The following CTNNA2 variants were observed in gnomAD, a reference collection of about 807,000 sequenced individuals.
The protein encoded by CTNNA2 is catenin alpha-2.
In CTNNA2, 42 loss-of-function variants were observed where a neutral mutation model predicts 101.0. The ratio of observed to expected loss-of-function variants is 0.42; its 90% CI spans 0.32 to 0.54. CTNNA2 has a LOEUF of 0.54. Among genes scored for constraint, CTNNA2 ranks in the 20% least tolerant of loss-of-function variants. The pLI is 0.14. For synonymous variants in CTNNA2, 450 were observed against 456.4 expected, an observed-to-expected ratio of 0.99 and a Z score of 0.18; for missense variants, 871 against 1,223.1, an observed-to-expected ratio of 0.71 and a Z score of 4.29.
At chr2:79,628,436 G>C (rs1395224558) in intron 1 of CTNNA2, among the ~76,000 whole-genome samples, 2 of 148,096 alleles carry the variant, frequency 1.4e-5, no homozygotes, top group Non-Finnish European at 3.0e-5. Flanking sequence ...CTGGGCAACA[G>C]AATGAGACTG....
At chr2:79,625,323 T>A (rs1679238297) in intron 1 of CTNNA2, among the ~76,000 whole-genome samples, 1 of 152,114 alleles carries the variant, frequency 6.6e-6, no homozygotes, top group Non-Finnish European at 1.5e-5. Context: ...ACTGGAAGAT[T>A]ATGGCTCTTA....
At chr2:80,289,559 C>T (rs1675057386) in intron 7 of CTNNA2, among the ~76,000 whole-genome samples, 1 of 152,208 alleles carries the variant, frequency 6.6e-6, no homozygotes, top group Admixed American at 6.5e-5. Context: ...TAACATGTCA[C>T]TCTACTGTGG....
intron 7 of CTNNA2, among the ~76,000 whole-genome samples, chr2:80,340,711 G>A (rs1672150745): frequency 6.6e-6 from 1 of 152,134 alleles, no homozygotes; most frequent in Non-Finnish European, 1.5e-5. Context: ...CAGGCTTTGG[G>A]AAACAAGTTA....
chr2:79,226,508 C>A (rs1674411033), intron 2 of CTNNA2, among the ~76,000 whole-genome samples: 1 of 152,148 alleles, frequency 6.6e-6, no homozygotes, highest in Non-Finnish European at 1.5e-5. Context: ...GTTTCCAGAT[C>A]ACAGGTATTA....
At chr2:79,767,005 C>T (rs914140968) in intron 3 of CTNNA2, among the ~76,000 whole-genome samples, 5 of 152,062 alleles carry the variant, frequency 3.3e-5, no homozygotes, top group African/African-American at 7.2e-5. Flanking sequence ...CCGCCTGCCT[C>T]GGCCTCCCAA....
chr2:80,037,682 A>G (rs958452795), intron 7 of CTNNA2, among the ~76,000 whole-genome samples: 1 of 152,200 alleles, frequency 6.6e-6, no homozygotes, highest in Non-Finnish European at 1.5e-5. Flanking sequence ...GATAGTGTAT[A>G]TACAAAAATG....
intron 1 of CTNNA2, among the ~76,000 whole-genome samples, chr2:79,603,936 G>T (rs1214663342): frequency 2.6e-5 from 4 of 152,134 alleles, no homozygotes; most frequent in Non-Finnish European, 5.9e-5. Flanking sequence ...GGGCATGAAA[G>T]CTCCATAGCC....
intron 18 of CTNNA2, among the ~76,000 whole-genome samples, chr2:80,643,142 C>T (rs150894787): frequency 6.6e-6 from 1 of 152,202 alleles, no homozygotes; most frequent in East Asian, 1.9e-4. Context: ...TGGTTAGGGA[C>T]AGCAGATACC....
intron 2 of CTNNA2, among the ~76,000 whole-genome samples, chr2:79,708,944 T>C (rs1685565086): frequency 6.6e-6 from 1 of 152,216 alleles, no homozygotes; most frequent in Non-Finnish European, 1.5e-5. Flanking sequence ...GTCTTTTCCT[T>C]TCTCGAATTG....
chr2:79,890,359 C>A (rs1044792076), intron 6 of CTNNA2, among the ~76,000 whole-genome samples: 1 of 152,156 alleles, frequency 6.6e-6, no homozygotes, highest in African/African-American at 2.4e-5. Context: ...GCATGGTATG[C>A]AAATGCAGTT....
At chr2:79,248,370 ATATATCAAAAAAG>A (rs912741526) in intron 2 of CTNNA2, among the ~76,000 whole-genome samples, 217 of 151,792 alleles carry the variant, frequency 1.4e-3, no homozygotes, top group African/African-American at 5.0e-3. Context: ...ATTTAACCTA[ATATATCAAAAAAG>A]TATAATTTCT....
At chr2:79,189,129 A>ACTCT (rs1487257378) in intron 1 of CTNNA2, among the ~76,000 whole-genome samples, 1 of 152,164 alleles carries the variant, frequency 6.6e-6, no homozygotes, top group Non-Finnish European at 1.5e-5. Flanking sequence ...GGCACACAGG[A>ACTCT]CTCTACTCAA....
chr2:79,826,666 A>G (rs779194338), intron 3 of CTNNA2, among the ~76,000 whole-genome samples: 2 of 152,340 alleles, frequency 1.3e-5, no homozygotes, highest in Non-Finnish European at 1.5e-5. Flanking sequence ...ACATGCTTCT[A>G]TGAGAAGTTT....
chr2:80,126,012 T>C (rs1052182207), intron 7 of CTNNA2, among the ~76,000 whole-genome samples: 2 of 152,166 alleles, frequency 1.3e-5, no homozygotes, highest in African/African-American at 4.8e-5. Flanking sequence ...CTCAGCCATC[T>C]ATCTCTATAA....
chr2:80,576,208 C>CT (rs1695027928), intron 13 of CTNNA2: 1 of 152,044 alleles, frequency 6.6e-6, no homozygotes, highest in Admixed American at 6.6e-5. Flanking sequence ...CATCTTGTCT[C>CT]TTGGCAGTCA....
intron 9 of CTNNA2, among the ~76,000 whole-genome samples, chr2:80,493,772 T>C (rs1309037887): frequency 6.6e-6 from 1 of 152,218 alleles, no homozygotes; most frequent in Non-Finnish European, 1.5e-5. Flanking sequence ...CATGGCATGC[T>C]GTAATCACAG....
chr2:80,571,187 G>A (rs1464611026), intron 12 of CTNNA2, among the ~76,000 whole-genome samples: 1 of 152,180 alleles, frequency 6.6e-6, no homozygotes, highest in Non-Finnish European at 1.5e-5. Flanking sequence ...AAATAGAGGT[G>A]TGTTCATGCA....
At chr2:80,050,697 G>GTTTA (rs1008879332) in intron 7 of CTNNA2, among the ~76,000 whole-genome samples, 3 of 152,122 alleles carry the variant, frequency 2.0e-5, no homozygotes, top group South Asian at 4.2e-4. Context: ...ATTGTTATTT[G>GTTTA]TTTATTTATT....
intron 7 of CTNNA2, among the ~76,000 whole-genome samples, chr2:80,296,325 C>T (rs2149191722): frequency 6.6e-6 from 1 of 152,148 alleles, no homozygotes; most frequent in East Asian, 1.9e-4. Flanking sequence ...GAAGGAATAT[C>T]AAGTTTCTCA....
Sources: gnomAD v4.1 joint callset for allele counts (sites outside exome capture counted in the v4.1 genomes callset) on GRCh38, gnomAD v4.1.1 for gene constraint, MANE v1.5 for transcripts, NCBI Gene and HGNC (gene_info 2026-07-23, HGNC 2026-07-21) for gene names.